NRXN3: variants seen among roughly 807,000 people sequenced by gnomAD.
NRXN3 encodes the protein neurexin III.
In NRXN3, 32 loss-of-function variants were observed where a neutral mutation model predicts 137.6. The ratio of observed to expected loss-of-function variants is 0.23; its 90% CI spans 0.18 to 0.31. The LOEUF is 0.31. NRXN3 is among the 10% of genes least tolerant of loss of function. The pLI is 1.00. For missense variants in NRXN3, 1,574 were observed against 2,062.5 expected (o/e 0.76, Z 4.59); for synonymous variants, 798 against 784.5 (o/e 1.02, Z -0.29).
At chr14:78,460,116 T>G (rs717108) in intron 4 of NRXN3, among the ~76,000 whole-genome samples, 152,331 of 152,348 alleles carry the variant, frequency 1, 76,157 homozygotes, top group Middle Eastern at 1. Flanking sequence ...CAAAGAATAC[T>G]TATCAACAGC....
rs564321629 is a variant in NRXN3 at position 79,040,549 on chromosome 14, A to C, written c.3262+52408A>C. Among the ~76,000 whole-genome samples, 425 of 152,228 alleles carry C rather than the reference A, an allele frequency of 2.8e-3. 3 individuals are homozygous for C. Among genetic ancestry groups the C allele is most frequent in the African/African-American group, 9.8e-3 (406 of 41,562 alleles). ...ATAGTGGGGAAAGCATTCTTGGAAA[A>C]GTCTCTTGTTGTGAGGCATTACCCA... On this transcript the variant is annotated intron_variant, in intron 15 of 20. Coordinates refer to ENST00000335750, the MANE Select transcript of NRXN3 (RefSeq NM_001330195.2).
At chr14:79,480,974 A>G (rs940539439) in intron 16 of NRXN3, among the ~76,000 whole-genome samples, 1 of 152,112 alleles carries the variant, frequency 6.6e-6, no homozygotes, top group Non-Finnish European at 1.5e-5. Flanking sequence ...ACCCACTCTC[A>G]GGTATTTCTT....
At chr14:78,842,154 G>A (rs966237068) in intron 10 of NRXN3, among the ~76,000 whole-genome samples, 2 of 152,046 alleles carry the variant, frequency 1.3e-5, no homozygotes, top group Non-Finnish European at 2.9e-5. Context: ...CGAGGAGATT[G>A]GTTGCATTAT....
chr14:78,371,553 G>C (rs1285622848), intron 4 of NRXN3, among the ~76,000 whole-genome samples: 1 of 152,192 alleles, frequency 6.6e-6, no homozygotes, highest in Non-Finnish European at 1.5e-5. Flanking sequence ...TCACTGAGCT[G>C]TTTAACACTT....
chr14:78,321,568 G>T, intron 4 of NRXN3, among the ~76,000 whole-genome samples: 1 of 152,002 alleles, frequency 6.6e-6, no homozygotes, highest in South Asian at 2.1e-4. Flanking sequence ...CTCTCTGTTG[G>T]ATTTAGTTTA....
At chr14:79,533,164 A>G (rs1368655471) in intron 16 of NRXN3, among the ~76,000 whole-genome samples, 1 of 152,140 alleles carries the variant, frequency 6.6e-6, no homozygotes, top group African/African-American at 2.4e-5. Context: ...TTATGAAATG[A>G]TATTGTTTTT....
chr14:79,805,032 T>C (rs2099198523), intron 19 of NRXN3, 80 bp from the exon 20 acceptor site: 6 of 946,338 alleles, frequency 6.3e-6, no homozygotes, highest in Non-Finnish European at 1.0e-5. Context: ...AAATCTTTGA[T>C]GTCTTTGTTC....
intron 15 of NRXN3, among the ~76,000 whole-genome samples, chr14:79,285,099 T>G (rs1002534116): frequency 4.6e-5 from 7 of 152,214 alleles, no homozygotes; most frequent in Middle Eastern, 6.8e-3. Flanking sequence ...TCTTCAGGAC[T>G]TTCAACATGG....
At chr14:79,773,379 A>C (rs560899981) in intron 19 of NRXN3, among the ~76,000 whole-genome samples, 85 of 152,150 alleles carry the variant, frequency 5.6e-4, no homozygotes, top group Non-Finnish European at 8.4e-4. Context: ...GAACCAACCC[A>C]AATGTCCACC....
chr14:78,811,815 C>T (rs985984331), intron 10 of NRXN3, among the ~76,000 whole-genome samples: 11 of 152,132 alleles, frequency 7.2e-5, no homozygotes, highest in African/African-American at 2.7e-4. Flanking sequence ...TAAGCAACTG[C>T]TTACTAAATA....
chr14:78,213,545 A>G (rs547128633), intron 1 of NRXN3, among the ~76,000 whole-genome samples: 22 of 152,318 alleles, frequency 1.4e-4, no homozygotes, highest in African/African-American at 5.3e-4. Flanking sequence ...TCCCCAAGCA[A>G]GAGTTGATTG....
intron 4 of NRXN3, among the ~76,000 whole-genome samples, chr14:78,335,525 G>T (rs758712739): frequency 2.6e-5 from 4 of 152,182 alleles, no homozygotes; most frequent in African/African-American, 9.7e-5. Flanking sequence ...TTGATTGATT[G>T]ATATTAATGT....
intron 10 of NRXN3, among the ~76,000 whole-genome samples, chr14:78,869,456 A>G (rs1332404488): frequency 1.3e-5 from 2 of 152,100 alleles, no homozygotes; most frequent in South Asian, 2.1e-4. Flanking sequence ...GTTGCCTACA[A>G]GATAAGATCT....
chr14:79,150,440 G>A (rs1199983389), intron 15 of NRXN3, among the ~76,000 whole-genome samples: 2 of 151,898 alleles, frequency 1.3e-5, no homozygotes, highest in Non-Finnish European at 1.5e-5. Context: ...GGCAGAAATA[G>A]GGTGAGAGAT....
intron 15 of NRXN3, among the ~76,000 whole-genome samples, chr14:79,095,121 A>G (rs927598332): frequency 6.6e-6 from 1 of 152,088 alleles, no homozygotes; most frequent in Non-Finnish European, 1.5e-5. Context: ...ACTGGCATGC[A>G]TTATGCTAAT....
At chr14:78,792,090 C>G (rs1436924440) in intron 8 of NRXN3, among the ~76,000 whole-genome samples, 3 of 150,860 alleles carry the variant, frequency 2.0e-5, no homozygotes, top group Non-Finnish European at 4.4e-5. Flanking sequence ...TCAAATAATT[C>G]GATCTAGAGA....
At chr14:79,253,782 A>T (rs1327686418) in intron 15 of NRXN3, among the ~76,000 whole-genome samples, 1 of 152,148 alleles carries the variant, frequency 6.6e-6, no homozygotes, top group Non-Finnish European at 1.5e-5. Flanking sequence ...CATGGGGGAA[A>T]CCACCCCCAC....
At chr14:79,126,754 A>G (rs2056571233) in intron 15 of NRXN3, among the ~76,000 whole-genome samples, 1 of 152,116 alleles carries the variant, frequency 6.6e-6, no homozygotes, top group African/African-American at 2.4e-5. Flanking sequence ...CGCCACACTG[A>G]CTTCCACAAT....
chr14:78,988,858 A>G (rs1161080322), intron 15 of NRXN3, among the ~76,000 whole-genome samples: 1 of 151,932 alleles, frequency 6.6e-6, no homozygotes, highest in Non-Finnish European at 1.5e-5. Flanking sequence ...TTTGGTTTTT[A>G]TTGGAAGAGA....
Sources: allele counts gnomAD v4.1 joint callset (sites outside exome capture counted in the v4.1 genomes callset), GRCh38; gene constraint gnomAD v4.1.1; transcripts MANE v1.5; gene names NCBI Gene and HGNC (gene_info 2026-07-23, HGNC 2026-07-21).